TMC1: variants seen among roughly 807,000 people sequenced by gnomAD.
TMC1 encodes the protein transmembrane channel-like protein 1.
In TMC1, 84 loss-of-function variants were observed where a neutral mutation model predicts 105.8. The observed-to-expected ratio is 0.79, with a 90% CI of 0.67 to 0.95. The LOEUF (loss-of-function observed/expected upper bound fraction) is 0.95, where lower values mean the gene tolerates loss of function less well. Among genes scored for constraint, TMC1 ranks in the 40% least tolerant of loss-of-function variants. The pLI, the probability that TMC1 is intolerant of heterozygous loss-of-function variation, is 0.00. For synonymous variants in TMC1, 315 were observed against 311.5 expected, an observed-to-expected ratio of 1.01 and a Z score of -0.12; for missense variants, 817 against 914.1, an observed-to-expected ratio of 0.89 and a Z score of 1.37.
chr9:72,524,932 AT>A, intron 1 of TMC1, among the ~76,000 whole-genome samples: 1 of 152,274 alleles, frequency 6.6e-6, no homozygotes, highest in East Asian at 1.9e-4. Flanking sequence ...TTACCGGAAA[AT>A]TCCACATATC....
chr9:72,757,737 G>A (rs961418021), intron 12 of TMC1, among the ~76,000 whole-genome samples: 1 of 152,114 alleles, frequency 6.6e-6, no homozygotes, highest in Non-Finnish European at 1.5e-5. Context: ...GCATCATATC[G>A]GTGCTCGAAA....
chr9:72,645,728 A>C (rs1364638780), intron 4 of TMC1, among the ~76,000 whole-genome samples: 1 of 152,198 alleles, frequency 6.6e-6, no homozygotes, highest in Non-Finnish European at 1.5e-5. Context: ...CAAGAATTTC[A>C]ATGGGAAATC....
intron 8 of TMC1, among the ~76,000 whole-genome samples, chr9:72,738,847 G>A (rs1170395648): frequency 6.6e-6 from 1 of 152,062 alleles, no homozygotes; most frequent in Non-Finnish European, 1.5e-5. Flanking sequence ...TTGCACTTGT[G>A]GAACCACAAT....
chr9:72,804,987 T>C (rs968701052), intron 17 of TMC1, among the ~76,000 whole-genome samples: 4 of 152,248 alleles, frequency 2.6e-5, no homozygotes, highest in Admixed American at 2.6e-4. Flanking sequence ...TAAAATCTTT[T>C]AATGTGTTAG....
Position 72,815,457 on chromosome 9 carries a change from T to G in TMC1, c.1696-686T>G, listed in dbSNP as rs551807855. 2.6e-5 allele frequency among the ~76,000 whole-genome samples: 4 copies of G among 152,290 alleles called. No homozygotes were observed. In the East Asian group the frequency reaches 7.7e-4, roughly 29 times the overall value. Reference sequence around the variant, plus strand: ...TAATTCACATTTTCATTGAAAAAATTTTTAATATGCAAAACTTGAAAAAGA... The same window carrying G: ...TAATTCACATTTTCATTGAAAAAATGTTTAATATGCAAAACTTGAAAAAGA... On this transcript the variant is annotated intron_variant, in intron 18 of 23. Transcript: ENST00000297784.
intron 1 of TMC1, among the ~76,000 whole-genome samples, chr9:72,525,979 C>G (rs945481088): frequency 1.7e-4 from 24 of 140,722 alleles, no homozygotes; most frequent in African/African-American, 5.7e-4. Flanking sequence ...CAGAGTGAGA[C>G]TCCGTCTCAA....
rs143322217 is a variant in TMC1 at position 72,708,151 on chromosome 9, G to A, written c.362+7508G>A. 1.9e-3 allele frequency among the ~76,000 whole-genome samples: 294 copies of A among 152,286 alleles called. 1 individual carries two copies. The highest frequency in any genetic ancestry group is 6.8e-3 in the Middle Eastern group (2 of 294). ...CCTATTTTTATACCAGTAGCCTGCT[G>A]TTTTGGTGACCATAGCCTTATAGTA... On this transcript the variant is annotated intron_variant, in intron 8 of 23. Transcript: ENST00000297784.
intron 13 of TMC1, among the ~76,000 whole-genome samples, chr9:72,774,947 G>A (rs1213016331): frequency 6.6e-6 from 1 of 152,060 alleles, no homozygotes; most frequent in African/African-American, 2.4e-5. Context: ...AATCGACTAG[G>A]CTACATCAAG....
intron 13 of TMC1, among the ~76,000 whole-genome samples, chr9:72,773,117 G>A (rs1827956150): frequency 6.6e-6 from 1 of 152,066 alleles, no homozygotes; most frequent in East Asian, 1.9e-4. Context: ...GAATTTCACT[G>A]GAGAACTGAT....
intron 17 of TMC1, among the ~76,000 whole-genome samples, chr9:72,793,869 T>G (rs1411254959): frequency 6.6e-6 from 1 of 152,142 alleles, no homozygotes; most frequent in Non-Finnish European, 1.5e-5. Context: ...CTGCTAGAAT[T>G]ATCGATCAAG....
chr9:72,542,597 G>A (rs114173194), intron 1 of TMC1, among the ~76,000 whole-genome samples: 7,604 of 151,994 alleles, frequency 0.05, 303 homozygotes, highest in African/African-American at 0.11. Context: ...TCCAGCCTAG[G>A]GGGGAGAAAA....
chr9:72,585,270 C>T (rs895197313), intron 2 of TMC1, among the ~76,000 whole-genome samples: 1 of 151,764 alleles, frequency 6.6e-6, no homozygotes, highest in Admixed American at 6.6e-5. Flanking sequence ...CCGGCCGCAG[C>T]CTCCTGAGTA....
intron 3 of TMC1, among the ~76,000 whole-genome samples, chr9:72,621,178 T>C (rs564696091): frequency 1.4e-4 from 22 of 152,310 alleles, no homozygotes; most frequent in African/African-American, 4.6e-4. Flanking sequence ...GAATAACACG[T>C]TATTGTAACA....
At chr9:72,593,717 A>T (rs1824676163) in intron 2 of TMC1, among the ~76,000 whole-genome samples, 1 of 152,036 alleles carries the variant, frequency 6.6e-6, no homozygotes, top group Admixed American at 6.5e-5. Context: ...CTATTTTAAA[A>T]AAAAAAAAGA....
intron 2 of TMC1, among the ~76,000 whole-genome samples, chr9:72,607,359 C>G (rs189020755): frequency 0.018 from 2,730 of 152,048 alleles, 30 homozygotes; most frequent in Middle Eastern, 0.075. Flanking sequence ...GTGGCTCACG[C>G]CTGTAATCCC....
At chr9:72,576,490 G>A (rs879725980) in intron 1 of TMC1, among the ~76,000 whole-genome samples, 8 of 151,530 alleles carry the variant, frequency 5.3e-5, no homozygotes, top group Non-Finnish European at 1.2e-4. Flanking sequence ...AAACATTTAC[G>A]GAGCTCCTTC....
intron 6 of TMC1, among the ~76,000 whole-genome samples, chr9:72,688,959 CTG>C (rs1427598028): frequency 6.6e-6 from 1 of 152,052 alleles, no homozygotes; most frequent in African/African-American, 2.4e-5. Flanking sequence ...AGGGCCAAGA[CTG>C]TGTTCCCTTG....
At position 72,603,626 on chromosome 9, in the gene TMC1, T is replaced by C. The variant is rs1225653403; in HGVS notation, c.-305-12742T>C. Reference sequence around the variant, plus strand: ...CCACAGTGGCGCGATTTCAGCTCACTGCAACCTCTGCCTTTTGGGTTCAAG... The same window carrying C: ...CCACAGTGGCGCGATTTCAGCTCACCGCAACCTCTGCCTTTTGGGTTCAAG... On this transcript the variant is annotated intron_variant, in intron 2 of 23. Transcript: ENST00000297784. Among the ~76,000 whole-genome samples, 3 of 152,136 alleles carry C rather than the reference T, an allele frequency of 2.0e-5. No individual in the cohort carries two copies. The East Asian group carries it at 5.8e-4, about 29-fold the overall frequency.
At chr9:72,728,348 C>G (rs183477577) in intron 8 of TMC1, among the ~76,000 whole-genome samples, 1 of 152,236 alleles carries the variant, frequency 6.6e-6, no homozygotes, top group East Asian at 1.9e-4. Context: ...CTGGTGCCCT[C>G]TCTTGACTGA....
Sources: allele counts gnomAD v4.1 joint callset (sites outside exome capture counted in the v4.1 genomes callset), GRCh38; gene constraint gnomAD v4.1.1; transcripts MANE v1.5; gene names NCBI Gene and HGNC (gene_info 2026-07-23, HGNC 2026-07-21).